ATM: variants seen among roughly 807,000 people sequenced by gnomAD.
ATM encodes the protein serine-protein kinase ATM.
Under a neutral mutation model 387.0 loss-of-function variants are expected in ATM, and 308 were observed. That is an observed-to-expected ratio of 0.80 (90% CI 0.73 to 0.87). The LOEUF (loss-of-function observed/expected upper bound fraction) is 0.87, where lower values mean the gene tolerates loss of function less well. Among genes scored for constraint, ATM ranks in the 40% least tolerant of loss-of-function variants. The pLI is 0.00. For missense variants in ATM, 3,312 were observed against 3,560.9 expected, an observed-to-expected ratio of 0.93 and a Z score of 1.78; for synonymous variants, 1,156 against 1,187.3, an observed-to-expected ratio of 0.97 and a Z score of 0.54.
intron 26 of ATM, among the ~76,000 whole-genome samples, chr11:108,284,956 T>C (rs375617239): frequency 1.3e-5 from 2 of 152,164 alleles, no homozygotes; most frequent in South Asian, 2.1e-4. Context: ...TACCTTTTTT[T>C]TCTGTCTTTG....
chr11:108,269,064 T>A (rs1414177954), intron 18 of ATM, among the ~76,000 whole-genome samples: 3 of 152,150 alleles, frequency 2.0e-5, no homozygotes, highest in Admixed American at 6.5e-5. Context: ...ACACACACAC[T>A]CATACGCAGA....
At chr11:108,353,453 T>A (rs1220439640) in intron 59 of ATM, among the ~76,000 whole-genome samples, 2 of 152,158 alleles carry the variant, frequency 1.3e-5, no homozygotes, top group Non-Finnish European at 2.9e-5. Context: ...AGCCTAAAAA[T>A]TTTTTAAATA....
At chr11:108,319,287 C>G (rs1313546568) in intron 43 of ATM, among the ~76,000 whole-genome samples, 2 of 152,134 alleles carry the variant, frequency 1.3e-5, no homozygotes, top group Non-Finnish European at 2.9e-5. Context: ...CGAGTTGATT[C>G]TTGCTTGCCT....
chr11:108,267,437 C>T (rs2081319877), intron 17 of ATM, 95 bp downstream of exon 17: 2 of 1,139,800 alleles, frequency 1.8e-6, no homozygotes, highest in South Asian at 2.6e-5. Context: ...GTGCTTATTT[C>T]ATTTTCTCTT....
intron 27 of ATM, among the ~76,000 whole-genome samples, chr11:108,287,981 G>A (rs2082583159): frequency 6.6e-6 from 1 of 151,856 alleles, no homozygotes; most frequent in African/African-American, 2.4e-5. Flanking sequence ...TTTGAACATT[G>A]TGCCATCTGT....
At chr11:108,281,200 T>A (rs1489630635) in intron 24 of ATM, 32 bp downstream of exon 24, 6 of 1,599,570 alleles carry the variant, frequency 3.8e-6, no homozygotes, top group Admixed American at 1.7e-5. Context: ...ATTAGAAGCT[T>A]CCTTAGGTCA....
chr11:108,336,015 G>T (rs2086812533), intron 56 of ATM, 54 bp downstream of exon 56: 1 of 1,408,992 alleles, frequency 7.1e-7, no homozygotes, highest in African/African-American at 1.4e-5. Flanking sequence ...GATGCCATTT[G>T]GTTGGGTGAA....
chr11:108,244,221 A>G (rs1433913203), intron 6 of ATM, 103 bp downstream of exon 6: 1 of 1,342,846 alleles, frequency 7.4e-7, no homozygotes, highest in African/African-American at 1.5e-5. Context: ...AAAATAAAAC[A>G]TTGATCCATC....
intron 22 of ATM, among the ~76,000 whole-genome samples, chr11:108,274,788 T>C (rs543261685): frequency 4.6e-5 from 7 of 152,342 alleles, no homozygotes; most frequent in African/African-American, 1.7e-4. Flanking sequence ...CTTTCAATTA[T>C]GTGGTCAGTT....
In ATM at chr11:108,254,896, G is replaced by A. The variant is rs4987958; in HGVS notation, c.2124+857G>A. ...ACTCCTGACCTCAGGTGATGGACCC[G>A]CCTCAGCATCCCGAAGTGCTAGGAT... On this transcript the variant is annotated intron_variant, in intron 13 of 62. Coordinates refer to ENST00000675843, the MANE Select transcript of ATM (RefSeq NM_000051.4). Among the ~76,000 whole-genome samples the A allele has an allele frequency of 3.0e-4, 46 of 152,226 alleles. 1 individual carries two copies. In the South Asian group the frequency reaches 8.1e-3, roughly 27 times the overall value.
intron 42 of ATM, among the ~76,000 whole-genome samples, chr11:108,316,842 C>T (rs191634003): frequency 0.013 from 2,033 of 150,678 alleles, 21 homozygotes; most frequent in South Asian, 0.023. Context: ...AGGAGAATGG[C>T]GTGAACCTGG....
chr11:108,308,866 C>T, intron 38 of ATM: 10 of 642,436 alleles, frequency 1.6e-5, no homozygotes, highest in South Asian at 6.0e-5. Flanking sequence ...AGTTTTATAC[C>T]AGATTATCTT....
Position 108,362,551 on chromosome 11 carries a change from A to G in ATM, c.8851-2531A>G, listed in dbSNP as rs1296901329. On this transcript the variant is annotated intron_variant, in intron 61 of 62. Transcript: ENST00000675843. The stretch of plus-strand genomic sequence containing the variant: ...ATAGCAAAGACTTGGAACCAACCCA[A>G]ATGTCCAACAATGATAGACTGGATT... 6.0e-5 allele frequency among the ~76,000 whole-genome samples: 9 copies of G among 149,256 alleles called. No homozygotes were observed. The East Asian group carries it at 9.9e-4, about 16-fold the overall frequency.
intron 45 of ATM, among the ~76,000 whole-genome samples, chr11:108,322,145 T>G (rs1451868603): frequency 6.6e-6 from 1 of 152,056 alleles, no homozygotes; most frequent in Non-Finnish European, 1.5e-5. Context: ...TTTGTTTTGT[T>G]TTCTTTTTTT....
In ATM at chr11:108,284,306, C is replaced by G. The variant is rs1364609203; in HGVS notation, c.3826C>G (p.Gln1276Glu). Residue 1276 changes from glutamine (Q) to glutamate (E), a missense_variant, in exon 26 of 63, where the codon CAA becomes GAA. Coordinates refer to ENST00000675843, the MANE Select transcript of ATM (RefSeq NM_000051.4). ...GGTGAAGTCCATTGCTAATCAGATT[C>G]AAGAGGACTGGAAAAGTCTTCTAAC... is the stretch of plus-strand genomic sequence containing the variant. Reference protein sequence around the residue: ...DEVKSIANQIQEDWKSLLTDC... With the variant: ...DEVKSIANQIEEDWKSLLTDC... The G allele has an allele frequency of 6.2e-7, 1 of 1,613,776 alleles. No homozygotes were observed. The highest frequency in any genetic ancestry group is 2.2e-5 in the East Asian group (1 of 44,854).
At chr11:108,252,173 T>A (rs1431925252) in intron 11 of ATM, 142 bp downstream of exon 11, 13 of 781,096 alleles carry the variant, frequency 1.7e-5, no homozygotes, top group East Asian at 2.7e-5. Context: ...AATATTATGT[T>A]TGTTTTTACA....
At chr11:108,353,157 T>G (rs971436970) in intron 59 of ATM, among the ~76,000 whole-genome samples, 3 of 145,276 alleles carry the variant, frequency 2.1e-5, no homozygotes, top group African/African-American at 5.4e-5. Flanking sequence ...TGTCATTAAT[T>G]TTTTTTTTTT....
intron 8 of ATM, 101 bp downstream of exon 8, chr11:108,247,228 T>C (rs925353054): frequency 1.1e-5 from 13 of 1,144,158 alleles, no homozygotes; most frequent in Non-Finnish European, 1.7e-5. Context: ...ACAAAAAGCC[T>C]ATAAAATGAC....
chr11:108,248,566 A>C (rs923673332), intron 8 of ATM, among the ~76,000 whole-genome samples: 1 of 151,974 alleles, frequency 6.6e-6, no homozygotes, highest in African/African-American at 2.4e-5. Flanking sequence ...TTTCCCCCTA[A>C]TGAAATATTA....
Sources: gnomAD v4.1 joint callset for allele counts (sites outside exome capture counted in the v4.1 genomes callset) on GRCh38, gnomAD v4.1.1 for gene constraint, MANE v1.5 for transcripts, NCBI Gene and HGNC (gene_info 2026-07-23, HGNC 2026-07-21) for gene names.